The following PTPRT variants were observed in gnomAD, a reference collection of about 807,000 sequenced individuals.
PTPRT encodes protein tyrosine phosphatase receptor type T.
In PTPRT, 56 loss-of-function variants were observed where a neutral mutation model predicts 176.8. That is an observed-to-expected ratio of 0.32 (90% confidence interval 0.26 to 0.40). The LOEUF (loss-of-function observed/expected upper bound fraction) is 0.40. Among genes scored for constraint, PTPRT ranks in the 10% least tolerant of loss-of-function variants. PTPRT has a pLI of 1.00. For synonymous variants in PTPRT, 783 were observed against 739.0 expected, an observed-to-expected ratio of 1.06 and a Z score of -0.96; for missense variants, 1,540 against 1,908.2, an observed-to-expected ratio of 0.81 and a Z score of 3.60.
At chr20:43,143,064 G>C (rs925575986) in intron 1 of PTPRT, among the ~76,000 whole-genome samples, 16 of 152,106 alleles carry the variant, frequency 1.1e-4, no homozygotes, top group Non-Finnish European at 1.8e-4. Flanking sequence ...TCAAACCGGG[G>C]GCACCTTCCA....
chr20:42,472,285 C>T lies in PTPRT; in HGVS notation c.1431G>A (p.Val477=), dbSNP rs1404097378. The T allele has an allele frequency of 6.2e-7, 1 of 1,614,112 alleles. No homozygotes were observed. Among genetic ancestry groups the T allele is most frequent in the Admixed American group, 1.7e-5 (1 of 60,020 alleles). The change falls in exon 8 of 31, where the codon GTG becomes GTA. Residue 477 remains valine, a synonymous_variant. Transcript: ENST00000373187. Reference sequence around the variant, plus strand: ...GCTCACCGTCTTCCTCAGTCTGCACCACCAGCTCCTCGCTCTCCATTCGGC... The same window carrying T: ...GCTCACCGTCTTCCTCAGTCTGCACTACCAGCTCCTCGCTCTCCATTCGGC... The part of the protein sequence containing the change: ...PEGRMESEEL[V]VQTEEDVPGA...
At chr20:42,496,626 T>A (rs2071658777) in intron 7 of PTPRT, among the ~76,000 whole-genome samples, 1 of 150,650 alleles carries the variant, frequency 6.6e-6, no homozygotes, top group Admixed American at 6.6e-5. Flanking sequence ...CTTGAAATCC[T>A]TCACTTTCAC....
intron 15 of PTPRT, among the ~76,000 whole-genome samples, chr20:42,213,576 C>T (rs57258219): frequency 0.09 from 13,690 of 152,228 alleles, 714 homozygotes; most frequent in South Asian, 0.18. Context: ...TCTTTGCAGA[C>T]GTAACGAAGT....
intron 1 of PTPRT, among the ~76,000 whole-genome samples, chr20:43,045,318 TCCATGGGCGG>T (rs1986787338): frequency 6.6e-6 from 1 of 152,168 alleles, no homozygotes; most frequent in East Asian, 1.9e-4. Context: ...TGACACAGCC[TCCATGGGCGG>T]ATCAGATACA....
At chr20:42,871,252 G>A (rs536693655) in intron 2 of PTPRT, among the ~76,000 whole-genome samples, 6 of 150,740 alleles carry the variant, frequency 4.0e-5, no homozygotes, top group South Asian at 2.1e-4. Flanking sequence ...GTGCCTGGCC[G>A]TATTTTCATG....
intron 5 of PTPRT, among the ~76,000 whole-genome samples, chr20:42,760,072 G>A (rs1338735547): frequency 6.6e-6 from 1 of 152,232 alleles, no homozygotes; most frequent in Non-Finnish European, 1.5e-5. Flanking sequence ...GGTACCTTGT[G>A]GTTGAACTAC....
chr20:42,358,010 G>T (rs1272409269), intron 9 of PTPRT, among the ~76,000 whole-genome samples: 1 of 151,748 alleles, frequency 6.6e-6, no homozygotes, highest in Non-Finnish European at 1.5e-5. Context: ...GAGGAACAAG[G>T]AGACATGACA....
At chr20:42,952,520 C>A (rs181618245) in intron 1 of PTPRT, among the ~76,000 whole-genome samples, 1 of 152,348 alleles carries the variant, frequency 6.6e-6, no homozygotes, top group African/African-American at 2.4e-5. Flanking sequence ...AGGCAATCTG[C>A]ACAACTTCTG....
At chr20:42,568,460 G>A (rs73102494) in intron 7 of PTPRT, among the ~76,000 whole-genome samples, 2,167 of 152,294 alleles carry the variant, frequency 0.014, 28 homozygotes, top group Non-Finnish European at 0.021. Context: ...CGTAAGTGGA[G>A]CTAGGTCTCC....
chr20:42,502,091 G>T (rs988545566), intron 7 of PTPRT, among the ~76,000 whole-genome samples: 1 of 151,924 alleles, frequency 6.6e-6, no homozygotes, highest in East Asian at 1.9e-4. Flanking sequence ...TATTCATTTT[G>T]TTTACTTCTT....
intron 5 of PTPRT, among the ~76,000 whole-genome samples, chr20:42,762,497 T>C (rs1160162502): frequency 6.6e-6 from 1 of 152,194 alleles, no homozygotes; most frequent in Non-Finnish European, 1.5e-5. Flanking sequence ...TAAGACCATG[T>C]CCTGAGGATG....
chr20:42,137,729 T>G (rs1055555544), intron 18 of PTPRT, among the ~76,000 whole-genome samples: 1 of 152,186 alleles, frequency 6.6e-6, no homozygotes, highest in African/African-American at 2.4e-5. Flanking sequence ...ATCATTCAGC[T>G]TAATTTGGCC....
At chr20:42,089,859 C>A (rs112369733) in intron 27 of PTPRT, among the ~76,000 whole-genome samples, 3 of 152,100 alleles carry the variant, frequency 2.0e-5, no homozygotes, top group Admixed American at 6.5e-5. Context: ...TCCCACTGAC[C>A]CTTTGGGGCT....
At chr20:42,477,942 C>T (rs1172789004) in intron 7 of PTPRT, among the ~76,000 whole-genome samples, 9 of 151,936 alleles carry the variant, frequency 5.9e-5, no homozygotes, top group East Asian at 1.9e-4. Context: ...AGCAAGGGAT[C>T]GGGGGCCAAT....
chr20:42,219,113 G>A (rs901285378), intron 15 of PTPRT, among the ~76,000 whole-genome samples: 7 of 152,226 alleles, frequency 4.6e-5, no homozygotes, highest in Non-Finnish European at 7.3e-5. Flanking sequence ...CGGCTGGTCT[G>A]TCTGCGCTCC....
At chr20:42,363,756 T>C (rs1311457779) in intron 9 of PTPRT, among the ~76,000 whole-genome samples, 1 of 152,130 alleles carries the variant, frequency 6.6e-6, no homozygotes, top group African/African-American at 2.4e-5. Context: ...ACTTTGCGGA[T>C]GAGAAAACTG....
At chr20:42,339,621 C>T (rs947503518) in intron 11 of PTPRT, among the ~76,000 whole-genome samples, 4 of 152,176 alleles carry the variant, frequency 2.6e-5, no homozygotes, top group South Asian at 2.1e-4. Flanking sequence ...AGTACTCAAG[C>T]GTGGTCCAAG....
chr20:42,404,972 T>TTTTATATATATATATA lies in PTPRT; in HGVS notation c.1560+43247_1560+43248insTATATATATATATAAA, dbSNP rs960312629. On this transcript the variant is annotated intron_variant, in intron 9 of 30. Coordinates refer to ENST00000373187, the MANE Select transcript of PTPRT (RefSeq NM_007050.6). The stretch of plus-strand genomic sequence containing the variant: ...AGCATGTGAATAGAGGGCCAATTAA[T>TTTTATATATATATATA]TATATATATATATATACACACACAC... Among the ~76,000 whole-genome samples the TTTTATATATATATATA allele has an allele frequency of 5.7e-3, 442 of 77,894 alleles. 5 individuals are homozygous for TTTTATATATATATATA. Among genetic ancestry groups the TTTTATATATATATATA allele is most frequent in the African/African-American group, 0.014 (300 of 21,206 alleles). The allele number at this position is 77,894 out of a possible 152,430, so 51.1% of individuals were successfully genotyped here.
intron 23 of PTPRT, among the ~76,000 whole-genome samples, chr20:42,109,077 A>G (rs1232248307): frequency 6.6e-6 from 1 of 152,220 alleles, no homozygotes; most frequent in African/African-American, 2.4e-5. Context: ...ACATTTAGAG[A>G]GTCCAGGATT....
Sources: gnomAD v4.1 joint callset for allele counts (sites outside exome capture counted in the v4.1 genomes callset) on GRCh38, gnomAD v4.1.1 for gene constraint, MANE v1.5 for transcripts, NCBI Gene and HGNC (gene_info 2026-07-23, HGNC 2026-07-21) for gene names.